ERCC4: variants seen among roughly 807,000 people sequenced by gnomAD.
ERCC4 encodes ERCC excision repair 4, endonuclease catalytic subunit, also known as DNA repair endonuclease XPF.
In ERCC4, 65 loss-of-function variants were observed where a neutral mutation model predicts 76.9. That is an observed-to-expected ratio of 0.84 (90% CI 0.69 to 1.04). The LOEUF is 1.04. ERCC4 is among the 50% of genes least tolerant of loss of function. The probability of loss-of-function intolerance (pLI) is 0.00; values close to 1 mark genes in which losing one functional copy is unlikely to be tolerated. For synonymous variants in ERCC4, 463 were observed against 410.1 expected (o/e 1.13, Z -1.56); for missense variants, 1,214 against 1,128.2 (o/e 1.08, Z -1.09).
In ERCC4 at chr16:13,920,222, G is replaced by A; in HGVS notation, c.57G>A (p.Glu19=). ...CCATGGCGCCGCTGCTGGAGTACGA[G>A]CGACAGCTGGTGCTGGAACTGCTCG... ...RIAMAPLLEY[E]RQLVLELLDT... is the part of the protein sequence containing the mutation. The change falls in exon 1 of 11, where the codon GAG becomes GAA. Residue 19 remains glutamate (E), a synonymous_variant. Transcript: ENST00000311895. 2 of 1,607,846 alleles carry A rather than the reference G, an allele frequency of 1.2e-6. No individual in the cohort carries two copies. Among genetic ancestry groups the A allele is most frequent in the Non-Finnish European group, 1.7e-6 (2 of 1,179,946 alleles).
At position 13,935,197 on chromosome 16, in the gene ERCC4, A is replaced by G. The variant is rs767408205; in HGVS notation, c.1265A>G (p.Asp422Gly). Residue 422 changes from aspartate (D) to glycine (G), a missense_variant, in exon 8 of 11, where the codon GAC becomes GGC. Asp to Gly is a moderately conservative substitution (Grantham distance 94). Transcript: ENST00000311895. Reference protein sequence around the residue: ...SDDRTCSQLRDYITLGAEAFL... With the variant: ...SDDRTCSQLRGYITLGAEAFL... The stretch of plus-strand genomic sequence containing the variant: ...GACCGAACATGTTCCCAGCTGAGAG[A>G]CTATATCACTCTTGGAGCGGAGGCC... 3 of 1,614,088 alleles carry G rather than the reference A, an allele frequency of 1.9e-6. No homozygotes were observed. The highest frequency in any genetic ancestry group is 2.2e-5 in the South Asian group (2 of 91,084).
chr16:13,925,960 G>T (rs3136086), intron 2 of ERCC4, among the ~76,000 whole-genome samples: 1 of 152,104 alleles, frequency 6.6e-6, no homozygotes, highest in Non-Finnish European at 1.5e-5. Flanking sequence ...ACATGTATAA[G>T]TATGTCGATT....
In ERCC4 at chr16:13,937,771, A is replaced by C; in HGVS notation, c.1817A>C (p.Tyr606Ser). The part of the protein sequence containing the change: ...ASRPGKPLRV[Y>S]FLIYGGSTEE... ...AGTTCTGTCTTAACATGCAGGGTTTACTTTCTTATATACGGAGGTTCAACT... is the reference window on the plus strand; with the variant it reads ...AGTTCTGTCTTAACATGCAGGGTTTCCTTTCTTATATACGGAGGTTCAACT... Residue 606 changes from tyrosine to serine, a missense_variant, in exon 9 of 11, where the codon TAC becomes TCC. Physicochemically the swap from Tyr to Ser is moderately radical, Grantham distance 144. Transcript: ENST00000311895. 1 of 1,606,294 alleles carries C rather than the reference A, an allele frequency of 6.2e-7. No homozygotes were observed.
chr16:13,929,036 T>C (rs898224127), intron 4 of ERCC4, among the ~76,000 whole-genome samples: 6 of 152,198 alleles, frequency 3.9e-5, no homozygotes, highest in African/African-American at 1.4e-4. Flanking sequence ...AAACTAATTT[T>C]ATATATTCTG....
Position 13,921,997 on chromosome 16 carries a change from A to C in ERCC4, c.208-34A>C, listed in dbSNP as rs139142361. 3.9e-6 allele frequency: 6 copies of C among 1,522,664 alleles called. No individual in the cohort carries two copies. In the East Asian group the frequency reaches 1.4e-4, roughly 34 times the overall value. 94.3% of individuals were successfully genotyped at this position (1,522,664 alleles called of 1,614,324 possible). On this transcript the variant is annotated intron_variant, in intron 1 of 10. Transcript: ENST00000311895. ...GACCTATTAAAAACTGCCCTGTATTAAATAGCCTACTAATCAAGTTTGATT... is the reference window on the plus strand; with the variant it reads ...GACCTATTAAAAACTGCCCTGTATTCAATAGCCTACTAATCAAGTTTGATT...
intron 2 of ERCC4, chr16:13,922,592 C>T (rs1233728498): frequency 4.6e-6 from 3 of 654,442 alleles, no homozygotes; most frequent in Non-Finnish European, 5.6e-6. Context: ...TCCTTGGGCA[C>T]ACATCAGGCA....
rs573044100 is a variant in ERCC4 at position 13,951,277 on chromosome 16, G to A, written c.*2930G>A. 24 of 189,196 alleles carry A rather than the reference G, an allele frequency of 1.3e-4. No homozygotes were observed. Among genetic ancestry groups the A allele is most frequent in the Admixed American group, 4.3e-4 (7 of 16,226 alleles). The allele number at this position is 189,196 out of a possible 1,614,324, so 11.7% of individuals were successfully genotyped here. The stretch of plus-strand genomic sequence containing the variant: ...ATTAACTTCACTTTTTTTCTCTCTA[G>A]TAAATATCCAGTGTACTTATGAACT... On this transcript the variant is annotated 3_prime_UTR_variant, in exon 11 of 11. Coordinates refer to ENST00000311895, the MANE Select transcript of ERCC4 (RefSeq NM_005236.3).
chr16:13,942,684 T>C (rs2032438904), intron 9 of ERCC4, among the ~76,000 whole-genome samples: 1 of 151,934 alleles, frequency 6.6e-6, no homozygotes, highest in African/African-American at 2.4e-5. Flanking sequence ...ACGTGGCCAG[T>C]AAATGGTTTC....
At chr16:13,944,856 G>A (rs758684712) in intron 10 of ERCC4, 21 bp downstream of exon 10, 1 of 1,476,690 alleles carries the variant, frequency 6.8e-7, no homozygotes, top group South Asian at 1.1e-5. Flanking sequence ...CACTTTGTCA[G>A]GCACCTCCAT....
At chr16:13,940,989 G>C (rs562740669) in intron 9 of ERCC4, among the ~76,000 whole-genome samples, 1 of 152,310 alleles carries the variant, frequency 6.6e-6, no homozygotes, top group Admixed American at 6.5e-5. Flanking sequence ...TCATGCAGCT[G>C]CCTCTTCTCC....
At chr16:13,925,841 T>C (rs1241152387) in intron 2 of ERCC4, among the ~76,000 whole-genome samples, 1 of 152,146 alleles carries the variant, frequency 6.6e-6, no homozygotes, top group African/African-American at 2.4e-5. Context: ...GATGACACAA[T>C]ATATATGAAA....
At position 13,950,432 on chromosome 16, in the gene ERCC4, G is replaced by A. The variant is rs2032609021; in HGVS notation, c.*2085G>A. 1.1e-5 allele frequency: 2 copies of A among 188,016 alleles called. No homozygotes were observed. Among genetic ancestry groups the A allele is most frequent in the South Asian group, 3.9e-4 (2 of 5,138 alleles). The allele number at this position is 188,016 out of a possible 1,614,324, so 11.6% of individuals were successfully genotyped here. On this transcript the variant is annotated 3_prime_UTR_variant, in exon 11 of 11. Transcript: ENST00000311895. ...TTACAGTAGAACTCTGTAAGATGAT[G>A]TGGAGAGTAAGGAAAAGGAGAAGAA...
At chr16:13,923,081 A>T (rs1457946812) in intron 2 of ERCC4, among the ~76,000 whole-genome samples, 3 of 152,152 alleles carry the variant, frequency 2.0e-5, no homozygotes, top group African/African-American at 7.2e-5. Flanking sequence ...TTGAGGAAAA[A>T]TTATTTTAGC....
rs373361309 is a variant in ERCC4, at chr16:13,922,227, CTTATTA to C, written c.388+20_388+25del. On this transcript the variant is annotated intron_variant, in intron 2 of 10. Transcript: ENST00000311895. The stretch of plus-strand genomic sequence containing the variant: ...TTAATTACTGGTAAGAATTTGAAAT[CTTATTA>C]TTAGTATGTAAATTTGTACTTTTTT... The C allele has an allele frequency of 2.4e-5, 36 of 1,508,698 alleles. No individual in the cohort carries two copies. The highest frequency in any genetic ancestry group is 1.7e-4 in the African/African-American group (12 of 72,310). 93.5% of individuals were successfully genotyped at this position (1,508,698 alleles called of 1,614,324 possible).
chr16:13,930,548 T>C lies in ERCC4; in HGVS notation c.793-162T>C, dbSNP rs190170352. The C allele has an allele frequency of 6.6e-5, 40 of 604,466 alleles. No individual in the cohort carries two copies. In the African/African-American group the frequency reaches 6.8e-4, roughly 10 times the overall value. 37.4% of individuals were successfully genotyped at this position (604,466 alleles called of 1,614,324 possible). ...ATGTTCTAGCCACTTCCTTGAATAA[T>C]GCTTGCAGTTTTTTTATTGTAGTAA... On this transcript the variant is annotated intron_variant, in intron 4 of 10. Coordinates refer to ENST00000311895, the MANE Select transcript of ERCC4 (RefSeq NM_005236.3).
intron 10 of ERCC4, among the ~76,000 whole-genome samples, chr16:13,946,377 C>T (rs1157438144): frequency 6.6e-6 from 1 of 152,248 alleles, no homozygotes; most frequent in African/African-American, 2.4e-5. Flanking sequence ...GGCCACAAAC[C>T]TGCACAGCAT....
At chr16:13,945,971 C>T (rs1188128029) in intron 10 of ERCC4, among the ~76,000 whole-genome samples, 2 of 152,186 alleles carry the variant, frequency 1.3e-5, no homozygotes, top group Admixed American at 6.5e-5. Context: ...GGTTCAAAGT[C>T]CAAATGGGTT....
At position 13,944,781 on chromosome 16, in the gene ERCC4, G is replaced by C; in HGVS notation, c.1963G>C (p.Asp655His). 6.2e-7 allele frequency: 1 copy of C among 1,614,100 alleles called. No homozygotes were observed. The highest frequency in any genetic ancestry group is 8.5e-7 in the Non-Finnish European group (1 of 1,179,946). Residue 655 changes from aspartate (D) to histidine (H), a missense_variant, in exon 10 of 11, where the codon GAC becomes CAC. Physicochemically the swap from Asp to His is moderately conservative, Grantham distance 81. Transcript: ENST00000311895. ...EREGRDETNL[D>H]LVRGTASADV... is the part of the protein sequence containing the mutation. ...AGAAGGCAGAGATGAAACAAACTTA[G>C]ACCTAGTAAGAGGCACAGCATCTGC... is the stretch of plus-strand genomic sequence containing the variant.
chr16:13,925,218 G>A (rs2032050376), intron 2 of ERCC4, among the ~76,000 whole-genome samples: 1 of 152,166 alleles, frequency 6.6e-6, no homozygotes, highest in East Asian at 1.9e-4. Context: ...TTCCTCCTGG[G>A]TTCCAACCAA....
Sources: allele counts gnomAD v4.1 joint callset (sites outside exome capture counted in the v4.1 genomes callset), GRCh38; gene constraint gnomAD v4.1.1; transcripts MANE v1.5; gene names NCBI Gene and HGNC (gene_info 2026-07-23, HGNC 2026-07-21).